ENDOU: variants seen among roughly 807,000 people sequenced by gnomAD.
ENDOU encodes uridylate-specific endoribonuclease.
A neutral mutation model predicts 54.2 loss-of-function variants in ENDOU; 49 were observed. The ratio of observed to expected loss-of-function variants is 0.90; its 90% CI spans 0.72 to 1.15. ENDOU has a LOEUF of 1.15. Among genes scored for constraint, ENDOU ranks in the 50% most tolerant of loss-of-function variants. The pLI is 0.00. For missense variants in ENDOU, 458 were observed against 511.4 expected, an observed-to-expected ratio of 0.90 and a Z score of 1.01; for synonymous variants, 172 against 190.5, an observed-to-expected ratio of 0.90 and a Z score of 0.80.
At chr12:47,712,489 C>G (rs1940063230) in intron 8 of ENDOU, 27 bp downstream of exon 8, 8 of 1,556,034 alleles carry the variant, frequency 5.1e-6, no homozygotes, top group Non-Finnish European at 7.1e-6. Flanking sequence ...TGGGCTCTGA[C>G]AAGGCTTTTC....
intron 2 of ENDOU, chr12:47,720,283 C>T (rs1243922337): frequency 1.3e-5 from 2 of 153,172 alleles, no homozygotes; most frequent in Non-Finnish European, 2.9e-5. Context: ...AGATGTTGCA[C>T]CACGTGGTCC....
intron 8 of ENDOU, among the ~76,000 whole-genome samples, chr12:47,712,241 TC>T (rs996427680): frequency 3.2e-4 from 49 of 152,292 alleles, no homozygotes; most frequent in African/African-American, 1.2e-3. Flanking sequence ...TCTTTGTTCT[TC>T]CCTCTGAGAA....
intron 7 of ENDOU, 110 bp downstream of exon 7, chr12:47,713,165 A>G (rs749471103): frequency 1.7e-4 from 132 of 767,964 alleles, no homozygotes; most frequent in Middle Eastern, 1.3e-3. Context: ...GTCCCTCCCT[A>G]CTAGCTGGCT....
chr12:47,718,477 A>G (rs1219650923), intron 2 of ENDOU, among the ~76,000 whole-genome samples: 2 of 151,994 alleles, frequency 1.3e-5, no homozygotes, highest in Non-Finnish European at 2.9e-5. Context: ...GGTGATGAAA[A>G]CTCTGATTTA....
At position 47,713,177 on chromosome 12, in the gene ENDOU, G is replaced by C. The variant is rs1205035415; in HGVS notation, c.865+98C>G. The C allele has an allele frequency of 1.3e-5, 11 of 828,984 alleles. No individual in the cohort carries two copies. The South Asian group carries it at 1.6e-4, about 12-fold the overall frequency. 51.4% of individuals were successfully genotyped at this position (828,984 alleles called of 1,614,324 possible). A position where few individuals can be genotyped will look rare whatever the true frequency, so the allele number is the denominator to read the frequency against. ...TGGGTCCCTCCCTACTAGCTGGCTGGACTGCTGATTAATCCACACCCAGGG... is the reference window on the plus strand; with the variant it reads ...TGGGTCCCTCCCTACTAGCTGGCTGCACTGCTGATTAATCCACACCCAGGG... On this transcript the variant is annotated intron_variant, in intron 7 of 9. Transcript: ENST00000422538.
intron 1 of ENDOU, among the ~76,000 whole-genome samples, chr12:47,721,438 T>C (rs1225356268): frequency 6.6e-6 from 1 of 152,220 alleles, no homozygotes; most frequent in African/African-American, 2.4e-5. Flanking sequence ...CCCAGGGATG[T>C]CCCCTGCCCC....
At chr12:47,721,303 T>G (rs12819759) in intron 1 of ENDOU, among the ~76,000 whole-genome samples, 37,095 of 152,052 alleles carry the variant, frequency 0.24, 5,087 homozygotes, top group African/African-American at 0.39. Context: ...CCCTTTTTTT[T>G]TCAAGATAAA....
Position 47,725,358 on chromosome 12 carries a change from C to A in ENDOU, c.55+1G>T. ...CCCATGCCCGCCAGATAGTGACTTA[C>A]CAGCCCAGGCCAGGCCACACAGCAC... On this transcript the variant is annotated splice_donor_variant, in intron 1 of 9. Transcript: ENST00000422538. LOFTEE classifies it high-confidence loss of function. 6.2e-7 allele frequency: 1 copy of A among 1,614,174 alleles called. No individual in the cohort carries two copies. The highest frequency in any genetic ancestry group is 8.5e-7 in the Non-Finnish European group (1 of 1,180,024).
At position 47,711,643 on chromosome 12, in the gene ENDOU, G is replaced by A. The variant is rs761386781; in HGVS notation, c.1105C>T (p.Pro369Ser). Reference sequence around the variant, plus strand: ...TGGCCCCATTCTTACACTTTGCCTGGCCTGGCGATGAAGCACAGGGAGTAG... The same window carrying A: ...TGGCCCCATTCTTACACTTTGCCTGACCTGGCGATGAAGCACAGGGAGTAG... Reference protein sequence around the residue: ...ALYSLCFIARPGKVCQLSLGG... With the variant: ...ALYSLCFIARSGKVCQLSLGG... The change falls in exon 9 of 10, where the codon CCA becomes TCA. Residue 369 changes from proline to serine, a missense_variant. By Grantham distance (74) the Pro-to-Ser change is moderately conservative. Coordinates refer to ENST00000422538, the MANE Select transcript of ENDOU (RefSeq NM_001172439.2). The A allele has an allele frequency of 6.8e-5, 109 of 1,613,274 alleles. No homozygotes were observed. Among genetic ancestry groups the A allele is most frequent in the Non-Finnish European group, 8.8e-5 (104 of 1,179,806 alleles).
intron 9 of ENDOU, 67 bp downstream of exon 9, chr12:47,711,566 C>T (rs950387747): frequency 2.6e-6 from 4 of 1,561,912 alleles, no homozygotes; most frequent in Non-Finnish European, 3.5e-6. Flanking sequence ...GGTCTCTTGA[C>T]TCTGTGATGG....
chr12:47,721,039 A>G (rs957110258), intron 1 of ENDOU, among the ~76,000 whole-genome samples, 164 bp from the exon 2 acceptor site: 5 of 152,046 alleles, frequency 3.3e-5, no homozygotes, highest in African/African-American at 1.2e-4. Context: ...TGCACAACAT[A>G]AGCCTCCTCC....
rs1310514192 is a variant in ENDOU at position 47,712,628 on chromosome 12, A to G, written c.866-6T>C. 2.5e-6 allele frequency: 4 copies of G among 1,606,286 alleles called. No homozygotes were observed. In the East Asian group the frequency reaches 6.7e-5, roughly 27 times the overall value. On this transcript the variant is annotated splice_polypyrimidine_tract_variant and splice_region_variant and intron_variant, in intron 7 of 9. Coordinates refer to ENST00000422538, the MANE Select transcript of ENDOU (RefSeq NM_001172439.2). The stretch of plus-strand genomic sequence containing the variant: ...CTTGCCTTTTTTTACCTCACCTATA[A>G]TAAAGAGTCCAAGATGGATAATCTG...
Position 47,716,887 on chromosome 12 carries a change from C to T in ENDOU, c.551+3G>A, listed in dbSNP as rs192454840. ...GGTAGAAAGAGGAATTGTGGGAACTCACGGCTTTGGGCAGCGATCCACTTG... is the reference window on the plus strand; with the variant it reads ...GGTAGAAAGAGGAATTGTGGGAACTTACGGCTTTGGGCAGCGATCCACTTG... On this transcript the variant is annotated splice_donor_region_variant and intron_variant, in intron 5 of 9. Coordinates refer to ENST00000422538, the MANE Select transcript of ENDOU (RefSeq NM_001172439.2). 459 of 1,613,904 alleles carry T rather than the reference C, an allele frequency of 2.8e-4. 2 individuals carry two copies. In the East Asian group the frequency reaches 9.9e-3, roughly 35 times the overall value.
chr12:47,722,291 T>C (rs942885658), intron 1 of ENDOU, among the ~76,000 whole-genome samples: 4 of 152,168 alleles, frequency 2.6e-5, no homozygotes, highest in Non-Finnish European at 1.5e-5. Flanking sequence ...AGGGACAGCA[T>C]AGCAGAGAGG....
chr12:47,723,641 T>C (rs1940502447), intron 1 of ENDOU, among the ~76,000 whole-genome samples: 1 of 152,136 alleles, frequency 6.6e-6, no homozygotes. Context: ...AGCCACTCCC[T>C]ATCCATACTG....
At position 47,713,365 on chromosome 12, in the gene ENDOU, ACT is replaced by A; in HGVS notation, c.773_774del (p.Glu258ValfsTer4). On this transcript the variant is annotated frameshift_variant, in exon 7 of 10. Transcript: ENST00000422538. LOFTEE classifies it high-confidence loss of function. The part of the protein sequence containing the change: ...HHQNRYGSEQ[E>X]FVDDLKNMWF... ...CACATGTTCTTCAAGTCATCGACAAACTCTTGCTCTGAGCCATAGCGATCTGC... is the reference window on the plus strand; with the variant it reads ...CACATGTTCTTCAAGTCATCGACAAACTTGCTCTGAGCCATAGCGATCTGC... The A allele has an allele frequency of 6.2e-7, 1 of 1,613,976 alleles. No individual in the cohort carries two copies. The highest frequency in any genetic ancestry group is 1.1e-5 in the South Asian group (1 of 91,068).
Position 47,716,506 on chromosome 12 carries a change from G to C in ENDOU, c.552-7C>G. 2 of 1,612,766 alleles carry C rather than the reference G, an allele frequency of 1.2e-6. No individual in the cohort carries two copies. Among genetic ancestry groups the C allele is most frequent in the Non-Finnish European group, 1.7e-6 (2 of 1,179,776 alleles). On this transcript the variant is annotated splice_region_variant and splice_polypyrimidine_tract_variant and intron_variant, in intron 5 of 9. Coordinates refer to ENST00000422538, the MANE Select transcript of ENDOU (RefSeq NM_001172439.2). Reference sequence around the variant, plus strand: ...ATTGACATAAGTGAAGAGTCTGGGGGAGGCAGAGGGGAGCCCCACTGAGAG... The same window carrying C: ...ATTGACATAAGTGAAGAGTCTGGGGCAGGCAGAGGGGAGCCCCACTGAGAG...
intron 8 of ENDOU, 59 bp from the exon 9 acceptor site, chr12:47,711,834 G>C: frequency 6.3e-7 from 1 of 1,582,646 alleles, no homozygotes; most frequent in Non-Finnish European, 8.7e-7. Context: ...GAGTAGAACG[G>C]GTGCCCAATG....
intron 6 of ENDOU, among the ~76,000 whole-genome samples, chr12:47,715,497 G>A (rs2136674422): frequency 6.6e-6 from 1 of 152,310 alleles, no homozygotes; most frequent in South Asian, 2.1e-4. Context: ...GGCAGCACAG[G>A]ATTGCAACTT....
Sources: gnomAD v4.1 joint callset for allele counts (sites outside exome capture counted in the v4.1 genomes callset) on GRCh38, gnomAD v4.1.1 for gene constraint, MANE v1.5 for transcripts, NCBI Gene and HGNC (gene_info 2026-07-23, HGNC 2026-07-21) for gene names.